ASB3: variants seen among roughly 807,000 people sequenced by gnomAD.
ASB3 encodes the protein ankyrin repeat and SOCS box protein 3.
In ASB3, 41 loss-of-function variants were observed where a neutral mutation model predicts 54.5. That is an observed-to-expected ratio of 0.75 (90% confidence interval 0.59 to 0.98). The LOEUF is 0.98. Ranked by LOEUF, ASB3 falls within the 50% of genes least tolerant of loss-of-function variation. The probability of loss-of-function intolerance (pLI) is 0.00; values close to 1 mark genes in which losing one functional copy is unlikely to be tolerated. For missense variants in ASB3, 733 were observed against 620.0 expected (o/e 1.18, Z -1.94); for synonymous variants, 266 against 221.2 (o/e 1.20, Z -1.80).
chr2:53,713,203 G>A (rs891702988), intron 7 of ASB3, among the ~76,000 whole-genome samples: 2 of 152,092 alleles, frequency 1.3e-5, no homozygotes, highest in African/African-American at 4.8e-5. Context: ...ACAAATTATA[G>A]TGAACTACTA....
chr2:53,739,157 A>C (rs1183570201), intron 3 of ASB3, among the ~76,000 whole-genome samples: 2 of 152,214 alleles, frequency 1.3e-5, no homozygotes, highest in African/African-American at 4.8e-5. Context: ...CCATTTCCTA[A>C]ATTAGAGGAA....
chr2:53,733,819 CA>C (rs1398970021), intron 3 of ASB3, among the ~76,000 whole-genome samples: 2 of 152,182 alleles, frequency 1.3e-5, no homozygotes, highest in African/African-American at 4.8e-5. Context: ...AGGGGTCTCA[CA>C]GCCTTTGGAG....
intron 5 of ASB3, among the ~76,000 whole-genome samples, chr2:53,720,019 C>A (rs941039497): frequency 3.9e-5 from 6 of 152,148 alleles, no homozygotes; most frequent in Non-Finnish European, 1.5e-5. Flanking sequence ...ACGTACCTCC[C>A]TCACAAGGAA....
At chr2:53,719,798 G>C (rs1670597799) in intron 5 of ASB3, among the ~76,000 whole-genome samples, 1 of 152,076 alleles carries the variant, frequency 6.6e-6, no homozygotes, top group Admixed American at 6.5e-5. Context: ...CCCATCTTTT[G>C]TGTTTCTTTC....
chr2:53,761,048 TCGTCGGC>T (rs1673115639), intron 2 of ASB3, among the ~76,000 whole-genome samples: 1 of 152,102 alleles, frequency 6.6e-6, no homozygotes. Flanking sequence ...TTAAGAGCAG[TCGTCGGC>T]CAACCTCCCC....
At chr2:53,712,491 C>T (rs1322416972) in intron 7 of ASB3, among the ~76,000 whole-genome samples, 1 of 152,146 alleles carries the variant, frequency 6.6e-6, no homozygotes, top group Non-Finnish European at 1.5e-5. Context: ...ATCCAGAAAC[C>T]TATTTAAGAT....
rs140310476 is a variant in ASB3, at chr2:53,691,262, G to C, written c.1369+2622C>G. Among the ~76,000 whole-genome samples, 1,286 of 152,224 alleles carry C rather than the reference G, an allele frequency of 8.4e-3. 15 individuals carry two copies. Among genetic ancestry groups the C allele is most frequent in the African/African-American group, 0.029 (1,194 of 41,538 alleles). ...TTGCTACTTACTTAGGGAGGAAAAAGGGGAGGAAAGAATAATTTTGACCAA... is the reference window on the plus strand; with the variant it reads ...TTGCTACTTACTTAGGGAGGAAAAACGGGAGGAAAGAATAATTTTGACCAA... On this transcript the variant is annotated intron_variant, in intron 9 of 9. Transcript: ENST00000263634.
At chr2:53,784,590 G>A (rs1486928994) in intron 1 of ASB3, among the ~76,000 whole-genome samples, 4 of 152,192 alleles carry the variant, frequency 2.6e-5, no homozygotes, top group Non-Finnish European at 5.9e-5. Flanking sequence ...TTCCTAGCTT[G>A]TGGTGATTAC....
intron 7 of ASB3, among the ~76,000 whole-genome samples, chr2:53,707,977 A>G (rs1669882801): frequency 2.1e-5 from 3 of 144,682 alleles, no homozygotes; most frequent in Non-Finnish European, 4.5e-5. Flanking sequence ...AAAAAAAAAA[A>G]GAAAGAAAGA....
intron 8 of ASB3, among the ~76,000 whole-genome samples, chr2:53,696,213 A>T (rs1669172842): frequency 6.6e-6 from 1 of 152,246 alleles, no homozygotes; most frequent in African/African-American, 2.4e-5. Context: ...CCTCAGGAGT[A>T]AAAAACATGT....
rs1409633364 is a variant in ASB3 at position 53,744,246 on chromosome 2, T to C, written c.355+6537A>G. Among the ~76,000 whole-genome samples the C allele has an allele frequency of 2.0e-5, 3 of 149,228 alleles. No homozygotes were observed. The East Asian group carries it at 5.9e-4, about 29-fold the overall frequency. On this transcript the variant is annotated intron_variant, in intron 3 of 9. Transcript: ENST00000263634. ...AAAAAAAAAAAAAATTAGCCAGGCG[T>C]GGTCACAGGCGCCTGTAATCCCAGC...
chr2:53,728,469 C>T (rs1267722716), intron 5 of ASB3, among the ~76,000 whole-genome samples: 1 of 152,174 alleles, frequency 6.6e-6, no homozygotes, highest in East Asian at 1.9e-4. Context: ...TGCCAATAAA[C>T]CTGCTTTAGT....
At chr2:53,754,074 T>G (rs1672681057) in intron 2 of ASB3, among the ~76,000 whole-genome samples, 1 of 151,812 alleles carries the variant, frequency 6.6e-6, no homozygotes. Context: ...TAAAACGTGC[T>G]CAAAAAACAA....
In ASB3 at chr2:53,714,432, C is replaced by A. The variant is rs772637731; in HGVS notation, c.932G>T (p.Cys311Phe). ...RNGYSPDAQA[C>F]LVFGFSSPVC... ...AGGAGAACTGAATCCAAAAACAAGGCACGCCTGGGCGTCTGGGCTGTAGCC... is the reference window on the plus strand; with the variant it reads ...AGGAGAACTGAATCCAAAAACAAGGAACGCCTGGGCGTCTGGGCTGTAGCC... Residue 311 changes from cysteine (C) to phenylalanine (F), a missense_variant, in exon 7 of 10, where the codon TGC (cysteine) becomes TTC (phenylalanine). Cys to Phe is a radical substitution (Grantham distance 205). Coordinates refer to ENST00000263634, the MANE Select transcript of ASB3 (RefSeq NM_016115.5). 5.0e-6 allele frequency: 8 copies of A among 1,614,206 alleles called. No individual in the cohort carries two copies. Among genetic ancestry groups the A allele is most frequent in the Non-Finnish European group, 5.9e-6 (7 of 1,180,012 alleles).
chr2:53,758,869 T>C (rs1170040154), intron 2 of ASB3, among the ~76,000 whole-genome samples: 2 of 152,170 alleles, frequency 1.3e-5, no homozygotes, highest in South Asian at 2.1e-4. Context: ...CCCTAAGATA[T>C]ATTCTGGAGA....
chr2:53,681,021 T>C (rs574401134), intron 9 of ASB3, among the ~76,000 whole-genome samples: 1 of 152,350 alleles, frequency 6.6e-6, no homozygotes, highest in African/African-American at 2.4e-5. Context: ...CTTACTATAA[T>C]GACCTCCAGT....
chr2:53,751,274 A>G (rs993450741), intron 2 of ASB3, among the ~76,000 whole-genome samples: 3 of 152,210 alleles, frequency 2.0e-5, no homozygotes, highest in Non-Finnish European at 4.4e-5. Flanking sequence ...ATATTTGCTT[A>G]AACAGAATTT....
chr2:53,753,571 T>C (rs1352686290), intron 2 of ASB3, among the ~76,000 whole-genome samples: 2 of 152,128 alleles, frequency 1.3e-5, no homozygotes, highest in Non-Finnish European at 2.9e-5. Flanking sequence ...ATCTGTCTGC[T>C]GAAAGGGCTT....
chr2:53,778,913 T>C (rs1168847427), intron 1 of ASB3, among the ~76,000 whole-genome samples: 2 of 152,222 alleles, frequency 1.3e-5, no homozygotes, highest in Admixed American at 6.5e-5. Flanking sequence ...AGAAGTTGGA[T>C]TGCTGGATCA....
Sources: allele counts gnomAD v4.1 joint callset (sites outside exome capture counted in the v4.1 genomes callset), GRCh38; gene constraint gnomAD v4.1.1; transcripts MANE v1.5; gene names NCBI Gene and HGNC (gene_info 2026-07-23, HGNC 2026-07-21).